Variants in PRKCD observed in about 807,000 individuals in gnomAD.
PRKCD encodes the protein protein kinase C delta, also known as protein kinase C delta type.
PRKCD carries 20 observed loss-of-function variants against 82.2 expected under a neutral mutation model. The observed-to-expected ratio is 0.24, with a 90% confidence interval of 0.17 to 0.35. The LOEUF (loss-of-function observed/expected upper bound fraction) is 0.35. Ranked by LOEUF, PRKCD falls within the 10% of genes least tolerant of loss-of-function variation. The pLI is 1.00. For synonymous variants in PRKCD, 317 were observed against 337.0 expected, an observed-to-expected ratio of 0.94 and a Z score of 0.65; for missense variants, 607 against 899.0, an observed-to-expected ratio of 0.68 and a Z score of 4.15.
At chr3:53,188,462 G>A (rs1703796141) in intron 15 of PRKCD, among the ~76,000 whole-genome samples, 1 of 152,306 alleles carries the variant, frequency 6.6e-6, no homozygotes, top group East Asian at 1.9e-4. Flanking sequence ...CTGGGCGAGT[G>A]ACATCACCTG....
chr3:53,179,816 GT>G, intron 4 of PRKCD, 40 bp downstream of exon 4: 1 of 1,547,786 alleles, frequency 6.5e-7, no homozygotes, highest in Non-Finnish European at 8.7e-7. Flanking sequence ...GTGTGTGTGT[GT>G]GTCTGTGTGT....
At chr3:53,185,026 G>A in intron 10 of PRKCD, 52 bp downstream of exon 10, 1 of 1,522,224 alleles carries the variant, frequency 6.6e-7, no homozygotes, top group Non-Finnish European at 9.1e-7. Context: ...GTCAGGGACA[G>A]TCAAGGCTTA....
At position 53,169,550 on chromosome 3, in the gene PRKCD, G is replaced by A. The variant is rs1229834529; in HGVS notation, c.-20+4335G>A. Among the ~76,000 whole-genome samples the A allele has an allele frequency of 1.3e-5, 2 of 152,148 alleles. No homozygotes were observed. The highest frequency in any genetic ancestry group is 2.9e-5 in the Non-Finnish European group (2 of 68,016). ...AACAGGCAGAGCAGAGCAGGCAGTCGCCAAGGCCTGAGGCTAGATCAGATG... is the reference window on the plus strand; with the variant it reads ...AACAGGCAGAGCAGAGCAGGCAGTCACCAAGGCCTGAGGCTAGATCAGATG... On this transcript the variant is annotated intron_variant, in intron 2 of 18. Coordinates refer to ENST00000330452, the MANE Select transcript of PRKCD (RefSeq NM_006254.4). The surrounding 1 kb of genome is among the most constrained non-coding windows in gnomAD (Gnocchi z 4.7).
intron 2 of PRKCD, among the ~76,000 whole-genome samples, chr3:53,166,578 T>C (rs1702838691): frequency 6.6e-6 from 1 of 152,026 alleles, no homozygotes; most frequent in African/African-American, 2.4e-5. Context: ...CATGGCACAC[T>C]CACACACACA....
At chr3:53,166,157 C>T (rs1553663827) in intron 2 of PRKCD, among the ~76,000 whole-genome samples, 1 of 152,140 alleles carries the variant, frequency 6.6e-6, no homozygotes, top group Non-Finnish European at 1.5e-5. Flanking sequence ...CTTCCTGGGC[C>T]TGACTCTGGG....
At chr3:53,179,441 A>G (rs900227844) in intron 3 of PRKCD, 136 bp from the exon 4 acceptor site, 1 of 1,139,028 alleles carries the variant, frequency 8.8e-7, no homozygotes, top group Non-Finnish European at 1.3e-6. Context: ...TCTGTGCTCT[A>G]GAGGACACTG....
At chr3:53,182,566 GC>G (rs1284235887) in intron 7 of PRKCD, among the ~76,000 whole-genome samples, 1 of 152,152 alleles carries the variant, frequency 6.6e-6, no homozygotes, top group East Asian at 1.9e-4. Context: ...ATCGTGCCTG[GC>G]CCTCATCTAT....
At chr3:53,184,333 TCAACAA>T (rs147569297) in intron 9 of PRKCD, among the ~76,000 whole-genome samples, 114,682 of 144,106 alleles carry the variant, frequency 0.8, 49,287 homozygotes, top group East Asian at 0.94. Flanking sequence ...AGACTCCGTC[TCAACAA>T]CAACAACAAC....
In PRKCD at chr3:53,192,565, A is replaced by C; in HGVS notation, c.*299A>C. On this transcript the variant is annotated 3_prime_UTR_variant, in exon 19 of 19. Coordinates refer to ENST00000330452, the MANE Select transcript of PRKCD (RefSeq NM_006254.4). The stretch of plus-strand genomic sequence containing the variant: ...TATATATATATATAATAGGCTGTAT[A>C]TATTGCTCAGTAGAGAAAAACCATG... The C allele has an allele frequency of 6.2e-6, 1 of 162,002 alleles. No homozygotes were observed. Among genetic ancestry groups the C allele is most frequent in the Non-Finnish European group, 1.3e-5 (1 of 75,242 alleles). 10.0% of individuals were successfully genotyped at this position (162,002 alleles called of 1,614,324 possible).
chr3:53,168,104 A>T (rs1702892087), intron 2 of PRKCD, among the ~76,000 whole-genome samples: 1 of 152,274 alleles, frequency 6.6e-6, no homozygotes, highest in African/African-American at 2.4e-5. Flanking sequence ...GCAGGACATT[A>T]GGCTGGGAGA....
intron 18 of PRKCD, among the ~76,000 whole-genome samples, chr3:53,191,660 G>A (rs1456066483): frequency 6.6e-6 from 1 of 152,190 alleles, no homozygotes; most frequent in Non-Finnish European, 1.5e-5. Flanking sequence ...TAGACAGTAT[G>A]TCAACAAATG....
At chr3:53,186,408 A>G (rs1382360142) in intron 13 of PRKCD, 68 bp downstream of exon 13, 1 of 1,586,838 alleles carries the variant, frequency 6.3e-7, no homozygotes, top group African/African-American at 1.3e-5. Context: ...AGCCCCCCTC[A>G]GTCAGGGCTG....
At chr3:53,184,103 C>T (rs899649703) in intron 9 of PRKCD, among the ~76,000 whole-genome samples, 13 of 151,910 alleles carry the variant, frequency 8.6e-5, no homozygotes, top group Non-Finnish European at 1.5e-4. Context: ...GAGGCCGAGG[C>T]GGGCGGATCA....
chr3:53,184,912 G>T lies in PRKCD; in HGVS notation c.826G>T (p.Val276Leu), dbSNP rs1553668642. Reference protein sequence around the residue: ...MNVHHKCREKVANLCGINQKL... With the variant: ...MNVHHKCREKLANLCGINQKL... ...TGTGCACCATAAATGCCGGGAGAAG[G>T]TGGCCAACCTCTGCGGCATCAACCA... is the stretch of plus-strand genomic sequence containing the variant. Residue 276 changes from valine to leucine, a missense_variant, in exon 10 of 19, where the codon GTG becomes TTG. Physicochemically the swap from Val to Leu is conservative, Grantham distance 32. This residue lies in a region of PRKCD where 109 missense variants were observed against 155.6 expected (regional missense o/e 0.70). Transcript: ENST00000330452. The T allele has an allele frequency of 5.6e-6, 9 of 1,614,042 alleles. No individual in the cohort carries two copies. Among genetic ancestry groups the T allele is most frequent in the Admixed American group, 1.7e-5 (1 of 60,010 alleles).
chr3:53,183,094 C>T (rs368563715), intron 7 of PRKCD, 27 bp from the exon 8 acceptor site: 149 of 1,612,266 alleles, frequency 9.2e-5, no homozygotes, highest in Non-Finnish European at 1.2e-4. Flanking sequence ...CTTTCCCTTC[C>T]CCCTCCTGGG....
chr3:53,183,369 C>T (rs1179625035), intron 8 of PRKCD, 83 bp from the exon 9 acceptor site: 6 of 1,591,956 alleles, frequency 3.8e-6, no homozygotes, highest in African/African-American at 1.3e-5. Flanking sequence ...TGTTGTTGTG[C>T]CCAGGGTTGG....
At chr3:53,171,813 G>C (rs1442110629) in intron 2 of PRKCD, among the ~76,000 whole-genome samples, 1 of 152,240 alleles carries the variant, frequency 6.6e-6, no homozygotes, top group Admixed American at 6.5e-5. Context: ...TTGAGGTAGA[G>C]AGCAGGACAG....
rs781840522 is a variant in PRKCD, at chr3:53,189,130, A to G, written c.1627A>G (p.Ile543Val). ...SFGVLLYEML[I>V]GQSPFHGDDE... ...CGGGGTCCTTCTGTACGAGATGCTC[A>G]TTGGCCAGTCCCCCTTCCATGGTGA... The change falls in exon 17 of 19, where the codon ATT becomes GTT. Residue 543 changes from isoleucine (I) to valine (V), a missense_variant. Around this residue, in one of 5 missense-constraint regions of PRKCD, gnomAD observed 251 missense variants for 423.9 expected, o/e 0.59. Coordinates refer to ENST00000330452, the MANE Select transcript of PRKCD (RefSeq NM_006254.4). 3 of 1,614,194 alleles carry G rather than the reference A, an allele frequency of 1.9e-6. No homozygotes were observed. The South Asian group carries it at 3.3e-5, about 18-fold the overall frequency.
chr3:53,186,003 C>G lies in PRKCD; in HGVS notation c.1062C>G (p.Val354=). The change falls in exon 12 of 19, where the codon GTC becomes GTG. Residue 354 remains valine, a synonymous_variant. Transcript: ENST00000330452. ...TCAACAACTTCATCTTCCACAAGGT[C>G]CTGGGCAAAGGCAGCTTCGGGAAGG... is the stretch of plus-strand genomic sequence containing the variant. ...CNINNFIFHK[V]LGKGSFGKVL... 2 of 1,614,236 alleles carry G rather than the reference C, an allele frequency of 1.2e-6. No individual in the cohort carries two copies. Among genetic ancestry groups the G allele is most frequent in the Non-Finnish European group, 1.7e-6 (2 of 1,180,050 alleles).
Sources: gnomAD v4.1 joint callset for allele counts (sites outside exome capture counted in the v4.1 genomes callset) on GRCh38, gnomAD v4.1.1 for gene constraint, gnomAD v4.1.1 regional missense constraint, Gnocchi (gnomAD v3.1) non-coding constraint, MANE v1.5 for transcripts, NCBI Gene and HGNC (gene_info 2026-07-23, HGNC 2026-07-21) for gene names.